NDUFA10: variants seen among roughly 807,000 people sequenced by gnomAD.
NDUFA10 encodes the protein NADH:ubiquinone oxidoreductase subunit A10, also known as NADH dehydrogenase [ubiquinone] 1 alpha subcomplex subunit 10, mitochondrial.
Under a neutral mutation model 47.8 loss-of-function variants are expected in NDUFA10, and 40 were observed. That is an observed-to-expected ratio of 0.84 (90% confidence interval 0.65 to 1.09). The LOEUF (loss-of-function observed/expected upper bound fraction) is 1.09. NDUFA10 is among the 50% of genes least tolerant of loss of function. The pLI is 0.00. For missense variants in NDUFA10, 413 were observed against 451.1 expected, an observed-to-expected ratio of 0.92 and a Z score of 0.76; for synonymous variants, 183 against 172.2, an observed-to-expected ratio of 1.06 and a Z score of -0.49.
Position 239,932,449 on chromosome 2 carries a change from A to G in NDUFA10, c.295-37135T>C, listed in dbSNP as rs527665392. 3.1e-4 allele frequency among the ~76,000 whole-genome samples: 47 copies of G among 152,272 alleles called. No homozygotes were observed. The Middle Eastern group carries it at 0.014, about 44-fold the overall frequency. ...TTTCTGCGCTTTTCCATGACACGGC[A>G]CCCCCGCAAGCCCGCAGGCGTGTAG... On this transcript the variant is annotated intron_variant, in intron 4 of 5. Coordinates refer to the NDUFA10 transcript ENST00000419408.
chr2:239,900,291 A>C (rs934740827), intron 4 of NDUFA10, among the ~76,000 whole-genome samples: 1 of 114,008 alleles, frequency 8.8e-6, no homozygotes, highest in Non-Finnish European at 1.9e-5. Flanking sequence ...CGTGTGAGTC[A>C]ATACTCCTTA....
At chr2:239,951,266 G>A (rs1465752363) in intron 4 of NDUFA10, among the ~76,000 whole-genome samples, 1 of 152,228 alleles carries the variant, frequency 6.6e-6, no homozygotes, top group African/African-American at 2.4e-5. Flanking sequence ...GGCCTCGGGA[G>A]GGCCACACGC....
intron 9 of NDUFA10, 61 bp from the exon 10 acceptor site, chr2:239,961,247 A>G: frequency 1.2e-6 from 2 of 1,612,802 alleles, no homozygotes; most frequent in Non-Finnish European, 1.7e-6. Flanking sequence ...TCCCCAGCTC[A>G]TAGTTCAATG....
intron 5 of NDUFA10, chr2:240,012,292 C>G (rs534790779): frequency 6.2e-6 from 1 of 162,126 alleles, no homozygotes; most frequent in Non-Finnish European, 1.4e-5. Context: ...CAGTCTCACA[C>G]TATCTTCTCA....
intron 9 of NDUFA10, among the ~76,000 whole-genome samples, chr2:239,989,650 C>T (rs965031406): frequency 5.9e-5 from 9 of 152,280 alleles, no homozygotes; most frequent in African/African-American, 1.7e-4. Flanking sequence ...TCCACCCTCG[C>T]TGTCTGTCCC....
At chr2:239,933,128 T>TGAGG (rs1356562731) in intron 4 of NDUFA10, among the ~76,000 whole-genome samples, 2 of 151,686 alleles carry the variant, frequency 1.3e-5, no homozygotes, top group Non-Finnish European at 2.9e-5. Flanking sequence ...CACATCGGAG[T>TGAGG]GAGGGATAGG....
chr2:239,926,720 G>T (rs910866878), intron 4 of NDUFA10, among the ~76,000 whole-genome samples: 1 of 152,170 alleles, frequency 6.6e-6, no homozygotes, highest in Non-Finnish European at 1.5e-5. Context: ...GTGTGCTACT[G>T]CTCCTGAAGA....
downstream of NDUFA10, among the ~76,000 whole-genome samples, chr2:239,955,841 C>T (rs531781013): frequency 3.3e-5 from 5 of 152,256 alleles, no homozygotes; most frequent in African/African-American, 9.6e-5. Flanking sequence ...CCTGTGGGCA[C>T]GGCTCTCAGC....
intron 4 of NDUFA10, among the ~76,000 whole-genome samples, chr2:239,905,500 C>T (rs888526473): frequency 1.3e-5 from 2 of 152,238 alleles, no homozygotes; most frequent in Non-Finnish European, 2.9e-5. Context: ...CGTCTACACG[C>T]GTGTGAGGCC....
intron 4 of NDUFA10, among the ~76,000 whole-genome samples, chr2:239,899,466 CGGAGGGGTGTGATGGAGAGGTGTGAT>C (rs746465151): frequency 0.18 from 13,475 of 75,652 alleles, 1,111 homozygotes; most frequent in Middle Eastern, 0.31. Context: ...AGGGGTGTGA[CGGAGGGGTGTGATGGAGAGGTGTGAT>C]GGAGGGGTGT....
chr2:239,920,509 G>A (rs937673134), intron 4 of NDUFA10, among the ~76,000 whole-genome samples: 25 of 152,214 alleles, frequency 1.6e-4, no homozygotes, highest in African/African-American at 5.5e-4. Context: ...GGCTGGAGCC[G>A]CAGACTATTT....
intron 9 of NDUFA10, among the ~76,000 whole-genome samples, chr2:239,975,127 A>T (rs1695469750): frequency 6.6e-6 from 1 of 152,224 alleles, no homozygotes; most frequent in Non-Finnish European, 1.5e-5. Context: ...AAAATATGTG[A>T]CACTCTGCCA....
chr2:240,024,738 G>T (rs1168801926), intron 1 of NDUFA10, among the ~76,000 whole-genome samples: 6 of 152,240 alleles, frequency 3.9e-5, no homozygotes, highest in Non-Finnish European at 7.3e-5. Context: ...TTTCACTGAA[G>T]AAGGTGGGGG....
At chr2:239,970,892 T>G (rs1695278693) in intron 9 of NDUFA10, among the ~76,000 whole-genome samples, 1 of 152,218 alleles carries the variant, frequency 6.6e-6, no homozygotes, top group Admixed American at 6.5e-5. Flanking sequence ...AAATGTAAGG[T>G]AAGAATGAGC....
At chr2:239,924,236 G>C (rs4411727) in intron 4 of NDUFA10, among the ~76,000 whole-genome samples, 1 of 151,816 alleles carries the variant, frequency 6.6e-6, no homozygotes, top group South Asian at 2.1e-4. Context: ...CCTGAAAAAG[G>C]AAGCACAAAA....
intron 4 of NDUFA10, among the ~76,000 whole-genome samples, chr2:239,902,695 G>A (rs1400697664): frequency 3.3e-5 from 5 of 152,120 alleles, no homozygotes; most frequent in Admixed American, 6.5e-5. Flanking sequence ...GAACGGCCTC[G>A]TTCTGTGCAT....
intron 6 of NDUFA10, among the ~76,000 whole-genome samples, chr2:240,008,639 A>AT (rs1697031225): frequency 6.6e-6 from 1 of 152,232 alleles, no homozygotes; most frequent in Non-Finnish European, 1.5e-5. Context: ...GTCACAAACT[A>AT]TTTGACATAT....
chr2:239,954,032 G>C (rs1694607026), downstream of NDUFA10, among the ~76,000 whole-genome samples: 1 of 152,114 alleles, frequency 6.6e-6, no homozygotes, highest in Non-Finnish European at 1.5e-5. Flanking sequence ...CCCCAGGACT[G>C]TGAGAGTGGG....
intron 4 of NDUFA10, among the ~76,000 whole-genome samples, chr2:239,930,741 G>A (rs1311359636): frequency 6.6e-6 from 1 of 152,156 alleles, no homozygotes; most frequent in Non-Finnish European, 1.5e-5. Context: ...GGGAACAGCA[G>A]GCATGGAGGC....
Sources: allele counts gnomAD v4.1 joint callset (sites outside exome capture counted in the v4.1 genomes callset), GRCh38; gene constraint gnomAD v4.1.1; transcripts MANE v1.5; gene names NCBI Gene and HGNC (gene_info 2026-07-23, HGNC 2026-07-21).